Variants in DNAH9 observed in about 807,000 individuals in gnomAD.
DNAH9 encodes the protein dynein axonemal heavy chain 9.
A neutral mutation model predicts 471.6 loss-of-function variants in DNAH9; 345 were observed. The observed-to-expected ratio is 0.73, with a 90% CI of 0.67 to 0.80. The LOEUF is 0.80. Ranked by LOEUF, DNAH9 falls within the 30% of genes least tolerant of loss-of-function variation. The pLI is 0.00. For missense variants in DNAH9, 5,407 were observed against 5,609.2 expected, an observed-to-expected ratio of 0.96 and a Z score of 1.15; for synonymous variants, 2,093 against 2,123.6, an observed-to-expected ratio of 0.99 and a Z score of 0.40.
chr17:11,735,447 C>T (rs1238149976), intron 28 of DNAH9, among the ~76,000 whole-genome samples: 1 of 151,592 alleles, frequency 6.6e-6, no homozygotes, highest in African/African-American at 2.4e-5. Flanking sequence ...GTTTTGTTTT[C>T]CTTTTTCAGA....
At position 11,763,486 on chromosome 17, in the gene DNAH9, G is replaced by A. The variant is rs776704249; in HGVS notation, c.7042G>A (p.Val2348Met). ...CCCAGAGCAGAGCATGGTTCAGATG[G>A]TGTGTCACCTTCTGGAATGTCTCCT... Reference protein sequence around the residue: ...PIPEQSMVQMVCHLLECLLTT... With the variant: ...PIPEQSMVQMMCHLLECLLTT... Residue 2348 changes from valine to methionine, a missense_variant, in exon 36 of 69, where the codon GTG (valine) becomes ATG (methionine). Physicochemically the swap from Val to Met is conservative, Grantham distance 21 (BLOSUM62 1). Coordinates refer to ENST00000262442, the MANE Select transcript of DNAH9 (RefSeq NM_001372.4). The A allele has an allele frequency of 6.2e-7, 1 of 1,614,154 alleles. No homozygotes were observed. The highest frequency in any genetic ancestry group is 8.5e-7 in the Non-Finnish European group (1 of 1,179,996).
intron 38 of DNAH9, among the ~76,000 whole-genome samples, chr17:11,776,801 A>C (rs8080363): frequency 0.031 from 4,651 of 152,256 alleles, 224 homozygotes; most frequent in African/African-American, 0.11. Flanking sequence ...TGAAAAAGTC[A>C]GCCTTCAATT....
intron 17 of DNAH9, among the ~76,000 whole-genome samples, chr17:11,670,375 C>A (rs956523694): frequency 6.6e-6 from 1 of 152,144 alleles, no homozygotes; most frequent in Non-Finnish European, 1.5e-5. Flanking sequence ...AACAGTCCCC[C>A]GGTCACTTTA....
intron 35 of DNAH9, among the ~76,000 whole-genome samples, chr17:11,762,771 T>TTGTTG (rs1567783271): frequency 1.2e-5 from 1 of 82,794 alleles, no homozygotes; most frequent in Non-Finnish European, 2.5e-5. Flanking sequence ...TTTTTTTTTG[T>TTGTTG]TTTTTTTTTT....
chr17:11,695,663 G>C (rs2074463206), intron 22 of DNAH9, among the ~76,000 whole-genome samples: 1 of 152,200 alleles, frequency 6.6e-6, no homozygotes, highest in African/African-American at 2.4e-5. Flanking sequence ...TGAAATTTGG[G>C]AGTGCATCAG....
Position 11,598,807 on chromosome 17 carries a change from C to T in DNAH9, c.309C>T (p.Phe103=), listed in dbSNP as rs200554258. The T allele has an allele frequency of 6.1e-6, 9 of 1,479,816 alleles. No individual in the cohort carries two copies. The highest frequency in any genetic ancestry group is 1.8e-4 in the Middle Eastern group (1 of 5,464). The allele number at this position is 1,479,816 out of a possible 1,614,324, so 91.7% of individuals were successfully genotyped here. Residue 103 remains phenylalanine (F), a synonymous_variant, in exon 1 of 69, where the codon TTC becomes TTT. Coordinates refer to ENST00000262442, the MANE Select transcript of DNAH9 (RefSeq NM_001372.4). ...SGLAGAKALF[F]LRTGPEPPGP... is the part of the protein sequence containing the mutation. ...TGGCTGGCGCTAAGGCGCTTTTTTTCCTTCGCACCGGGCCCGAGCCTCCAG... is the reference window on the plus strand; with the variant it reads ...TGGCTGGCGCTAAGGCGCTTTTTTTTCTTCGCACCGGGCCCGAGCCTCCAG...
rs1490642431 is a variant in DNAH9 at position 11,654,287 on chromosome 17, C to T, written c.2595+1285C>T. Among the ~76,000 whole-genome samples the T allele has an allele frequency of 5.1e-5, 3 of 59,308 alleles. 1 individual carries two copies. The highest frequency in any genetic ancestry group is 4.9e-4 in the Admixed American group (3 of 6,152). The allele number at this position is 59,308 out of a possible 152,430, so 38.9% of individuals were successfully genotyped here. ...AGGAGAATGGCGTGAACCCGGGAGG[C>T]GGAGCTTGCAGTGAGCCGAGATTGC... On this transcript the variant is annotated intron_variant, in intron 14 of 68. Coordinates refer to ENST00000262442, the MANE Select transcript of DNAH9 (RefSeq NM_001372.4).
chr17:11,888,951 T>C (rs1003511990), intron 57 of DNAH9, among the ~76,000 whole-genome samples: 1 of 152,218 alleles, frequency 6.6e-6, no homozygotes, highest in Non-Finnish European at 1.5e-5. Flanking sequence ...TATATTAAAA[T>C]GTGTTTGTGT....
At chr17:11,613,462 A>C (rs1366456030) in intron 4 of DNAH9, among the ~76,000 whole-genome samples, 1 of 152,164 alleles carries the variant, frequency 6.6e-6, no homozygotes, top group African/African-American at 2.4e-5. Flanking sequence ...TCTACTAAAA[A>C]TACAAAAAAT....
chr17:11,670,691 G>A (rs2073958802), intron 17 of DNAH9, among the ~76,000 whole-genome samples: 1 of 149,234 alleles, frequency 6.7e-6, no homozygotes, highest in African/African-American at 2.5e-5. Flanking sequence ...GAAACCCCAA[G>A]AACGCTTTGT....
At chr17:11,621,363 G>A (rs574092464) in intron 6 of DNAH9, among the ~76,000 whole-genome samples, 21 of 144,098 alleles carry the variant, frequency 1.5e-4, no homozygotes, top group African/African-American at 4.9e-4. Flanking sequence ...AGCCAAGATC[G>A]CGCCATTGCA....
chr17:11,899,842 T>C (rs1973346716), intron 59 of DNAH9, among the ~76,000 whole-genome samples: 1 of 152,116 alleles, frequency 6.6e-6, no homozygotes, highest in Non-Finnish European at 1.5e-5. Flanking sequence ...AGATGTCAAA[T>C]CTTATTAACT....
At position 11,598,533 on chromosome 17, in the gene DNAH9, C is replaced by A. The variant is rs748148445; in HGVS notation, c.35C>A (p.Ala12Glu). The A allele has an allele frequency of 1.3e-5, 18 of 1,400,642 alleles. No homozygotes were observed. In the South Asian group the frequency reaches 2.7e-4, roughly 21 times the overall value. The allele number at this position is 1,400,642 out of a possible 1,614,324, so 86.8% of individuals were successfully genotyped here. Residue 12 changes from alanine to glutamate, a missense_variant, in exon 1 of 69, where the codon GCG (alanine) becomes GAG (glutamate). Ala to Glu is a moderately radical substitution (Grantham distance 107, BLOSUM62 -1). This residue lies in a region of DNAH9 where 767 missense variants were observed against 692.5 expected (regional missense o/e 1.11). Transcript: ENST00000262442. ...RLAEERAALA[A>E]ENADGEPGAD... ...GCGGAGGAGCGGGCCGCGCTCGCGG[C>A]GGAGAACGCGGATGGGGAACCCGGC...
Position 11,784,356 on chromosome 17 carries a change from C to G in DNAH9, c.7878C>G (p.Ile2626Met), listed in dbSNP as rs746515011. 24 of 1,614,102 alleles carry G rather than the reference C, an allele frequency of 1.5e-5. No individual in the cohort carries two copies. Among genetic ancestry groups the G allele is most frequent in the Non-Finnish European group, 1.9e-5 (22 of 1,180,048 alleles). ...CGGGGGCAGATGCCCTGTCCTCTATCTACAGCATCATCCTCACTCAGCATC... is the reference window on the plus strand; with the variant it reads ...CGGGGGCAGATGCCCTGTCCTCTATGTACAGCATCATCCTCACTCAGCATC... ...SFPGADALSS[I>M]YSIILTQHLK... is the part of the protein sequence containing the mutation. The change falls in exon 41 of 69, where the codon ATC becomes ATG. Residue 2626 changes from isoleucine to methionine, a missense_variant. Transcript: ENST00000262442.
intron 50 of DNAH9, among the ~76,000 whole-genome samples, chr17:11,865,470 A>G (rs56900474): frequency 0.02 from 3,031 of 151,744 alleles, 96 homozygotes; most frequent in African/African-American, 0.065. Context: ...CTTCATTTCA[A>G]CTTTCGTGAA....
At chr17:11,852,814 G>GTGTGTGTATATA (rs1169950713) in intron 49 of DNAH9, among the ~76,000 whole-genome samples, 17 of 92,678 alleles carry the variant, frequency 1.8e-4, no homozygotes, top group East Asian at 3.8e-4. Context: ...GTGTGTGTGT[G>GTGTGTGTATATA]TATATATATA....
rs772566849 is a variant in DNAH9 at position 11,822,555 on chromosome 17, G to C, written c.8968G>C (p.Glu2990Gln). 2.5e-6 allele frequency: 4 copies of C among 1,614,058 alleles called. No individual in the cohort carries two copies. Among genetic ancestry groups the C allele is most frequent in the Non-Finnish European group, 2.5e-6 (3 of 1,180,048 alleles). The change falls in exon 47 of 69, where the codon GAG becomes CAG. Residue 2990 changes from glutamate (E) to glutamine (Q), a missense_variant. By Grantham distance (29) the Glu-to-Gln change is conservative. Transcript: ENST00000262442. ...CCACGAGTGGCCTCAGCAAGCATTG[G>C]AGTCTGTCAGCCTCCGCTTCTTGCA... ...WFHEWPQQAL[E>Q]SVSLRFLQNT...
intron 17 of DNAH9, among the ~76,000 whole-genome samples, chr17:11,679,096 AT>A (rs1199329483): frequency 1.3e-5 from 2 of 152,088 alleles, no homozygotes; most frequent in African/African-American, 2.4e-5. Context: ...TATTTTTCAC[AT>A]TTTAAGCCTT....
At chr17:11,831,659 C>T (rs9906499) in intron 48 of DNAH9, among the ~76,000 whole-genome samples, 1 of 152,114 alleles carries the variant, frequency 6.6e-6, no homozygotes, top group Admixed American at 6.5e-5. Context: ...TCCCCAAATC[C>T]TAGAGCTGCC....
Sources: allele counts gnomAD v4.1 joint callset (sites outside exome capture counted in the v4.1 genomes callset), GRCh38; gene constraint gnomAD v4.1.1; regional missense constraint gnomAD v4.1.1; transcripts MANE v1.5; gene names NCBI Gene and HGNC (gene_info 2026-07-23, HGNC 2026-07-21).